SBK1: variants seen among roughly 807,000 people sequenced by gnomAD.
SBK1 encodes the protein serine/threonine-protein kinase SBK1.
In SBK1, 11 loss-of-function variants were observed where a neutral mutation model predicts 24.4. The ratio of observed to expected loss-of-function variants is 0.45; its 90% confidence interval spans 0.28 to 0.75. The LOEUF (loss-of-function observed/expected upper bound fraction) is 0.75. Ranked by LOEUF, SBK1 falls within the 30% of genes least tolerant of loss-of-function variation. SBK1 has a pLI of 0.12. For missense variants in SBK1, 467 were observed against 620.5 expected (o/e 0.75, Z 2.63); for synonymous variants, 308 against 284.4 (o/e 1.08, Z -0.83).
chr16:28,289,783 AC>A (rs1567674351), upstream of SBK1, among the ~76,000 whole-genome samples: 1 of 151,254 alleles, frequency 6.6e-6, no homozygotes, highest in African/African-American at 2.4e-5. Context: ...AAAAAAAAAA[AC>A]AAAAACAAAC....
At chr16:28,279,642 G>A (rs936268998) in intron 1 of SBK1, among the ~76,000 whole-genome samples, 1 of 152,144 alleles carries the variant, frequency 6.6e-6, no homozygotes, top group African/African-American at 2.4e-5. Flanking sequence ...GAGAGAAACA[G>A]GACAAGCAAG....
Position 28,319,143 on chromosome 16 carries a change from C to T in SBK1, c.375C>T (p.Val125=). 1 of 1,614,028 alleles carries T rather than the reference C, an allele frequency of 6.2e-7. No homozygotes were observed. The change falls in exon 3 of 4, where the codon GTC becomes GTT. Residue 125 remains valine, a synonymous_variant. Transcript: ENST00000341901. This position sits in a 1 kb window ranked among gnomAD's most constrained non-coding sequence, Gnocchi z 4.0. The part of the protein sequence containing the change: ...DVVFETEDCY[V]FAQEYAPAGD... ...TCTTTGAGACAGAGGACTGCTACGT[C>T]TTTGCCCAGGAGTACGCACCTGCTG...
chr16:28,304,878 G>T (rs1433116492), intron 1 of SBK1, among the ~76,000 whole-genome samples: 1 of 152,076 alleles, frequency 6.6e-6, no homozygotes, highest in Non-Finnish European at 1.5e-5. Flanking sequence ...AAAGTGCTGG[G>T]ATTACAAGCG....
chr16:28,295,418 T>G (rs1220954134), intron 1 of SBK1, among the ~76,000 whole-genome samples: 1 of 152,096 alleles, frequency 6.6e-6, no homozygotes, highest in African/African-American at 2.4e-5. Context: ...CACCTCCCTT[T>G]TTGAGCTGAC....
At chr16:28,312,946 C>T (rs1678064724) in intron 1 of SBK1, among the ~76,000 whole-genome samples, 1 of 152,120 alleles carries the variant, frequency 6.6e-6, no homozygotes, top group African/African-American at 2.4e-5. Flanking sequence ...CCAGCCTGAC[C>T]AACATGGAGA....
chr16:28,271,272 C>A (rs887400479), intron 1 of SBK1, among the ~76,000 whole-genome samples: 1 of 151,938 alleles, frequency 6.6e-6, no homozygotes, highest in African/African-American at 2.4e-5. Flanking sequence ...AGAGTAAGAC[C>A]TGGGCCAGGA....
At chr16:28,296,932 T>G (rs184466399) in intron 1 of SBK1, among the ~76,000 whole-genome samples, 1 of 152,320 alleles carries the variant, frequency 6.6e-6, no homozygotes, top group African/African-American at 2.4e-5. Context: ...GGATGAAAGC[T>G]TCTTGTAGCT....
intron 1 of SBK1, among the ~76,000 whole-genome samples, chr16:28,314,925 G>A (rs1294268602): frequency 6.6e-6 from 1 of 152,056 alleles, no homozygotes; most frequent in Non-Finnish European, 1.5e-5. Flanking sequence ...GTTGCAAAAA[G>A]CCAAGATCAC....
intron 1 of SBK1, among the ~76,000 whole-genome samples, chr16:28,276,191 T>C (rs1286392875): frequency 6.6e-6 from 1 of 152,118 alleles, no homozygotes; most frequent in East Asian, 1.9e-4. Context: ...TGGGAAGTCA[T>C]CCCAGACCTT....
upstream of SBK1, chr16:28,258,755 C>T (rs2044377443): frequency 6.5e-6 from 1 of 152,868 alleles, no homozygotes; most frequent in South Asian, 2.1e-4. Flanking sequence ...GACCGGGACT[C>T]CAGGGGTCAG....
intron 1 of SBK1, among the ~76,000 whole-genome samples, chr16:28,294,923 C>T (rs1037277218): frequency 1.3e-5 from 2 of 152,374 alleles, no homozygotes; most frequent in South Asian, 2.1e-4. Flanking sequence ...TGACCTTGGG[C>T]AAGCACGTGG....
intron 1 of SBK1, among the ~76,000 whole-genome samples, chr16:28,280,145 A>ATGTGTG (rs1292773760): frequency 5.4e-5 from 3 of 55,288 alleles, no homozygotes; most frequent in African/African-American, 1.6e-4. Flanking sequence ...ATATATATAT[A>ATGTGTG]TATATGTGTG....
intron 1 of SBK1, among the ~76,000 whole-genome samples, chr16:28,282,466 T>G (rs966029412): frequency 2.0e-5 from 3 of 152,104 alleles, no homozygotes; most frequent in Non-Finnish European, 4.4e-5. Flanking sequence ...GAACTTTGTG[T>G]CTCCTCTGTA....
intron 1 of SBK1, among the ~76,000 whole-genome samples, chr16:28,306,326 T>C (rs751389297): frequency 6.6e-6 from 1 of 152,228 alleles, no homozygotes; most frequent in Non-Finnish European, 1.5e-5. Flanking sequence ...AGATTTCCGA[T>C]GACTTTGAGT....
chr16:28,314,014 A>G (rs896281791), intron 1 of SBK1, among the ~76,000 whole-genome samples: 5 of 144,576 alleles, frequency 3.5e-5, no homozygotes, highest in African/African-American at 1.3e-4. Context: ...GACGAGAACA[A>G]CACAGCAAGC....
chr16:28,270,925 G>A (rs896118469), intron 1 of SBK1, among the ~76,000 whole-genome samples: 17 of 151,960 alleles, frequency 1.1e-4, no homozygotes, highest in South Asian at 2.1e-4. Flanking sequence ...GTGCAACAGC[G>A]TGCTCTCCGC....
intron 1 of SBK1, 26 bp downstream of exon 1, chr16:28,293,326 G>A: frequency 1.0e-6 from 1 of 976,056 alleles, no homozygotes; most frequent in Non-Finnish European, 1.2e-6. Flanking sequence ...GTGAGGGGCG[G>A]CAGGTGAGTG....
chr16:28,300,196 A>G (rs550751255), intron 1 of SBK1, among the ~76,000 whole-genome samples: 91 of 152,396 alleles, frequency 6.0e-4, no homozygotes, highest in Middle Eastern at 3.4e-3. Flanking sequence ...TACCAAGTAC[A>G]TAGTAGGTGC....
At chr16:28,272,979 T>A (rs2044475976) in intron 1 of SBK1, among the ~76,000 whole-genome samples, 1 of 152,102 alleles carries the variant, frequency 6.6e-6, no homozygotes, top group Admixed American at 6.6e-5. Context: ...ATAGATCACA[T>A]TTTTTTCATC....
Sources: gnomAD v4.1 joint callset for allele counts (sites outside exome capture counted in the v4.1 genomes callset) on GRCh38, gnomAD v4.1.1 for gene constraint, Gnocchi (gnomAD v3.1) non-coding constraint, MANE v1.5 for transcripts, NCBI Gene and HGNC (gene_info 2026-07-23, HGNC 2026-07-21) for gene names.